Variants in TBC1D19 observed in about 807,000 individuals in gnomAD.
TBC1D19 encodes the protein TBC1 domain family member 19, also known as TBC1 domain family, member 19.
In TBC1D19, 60 loss-of-function variants were observed where a neutral mutation model predicts 89.0. The observed-to-expected ratio is 0.67, with a 90% CI of 0.55 to 0.84. TBC1D19 has a LOEUF of 0.84. Among genes scored for constraint, TBC1D19 ranks in the 40% least tolerant of loss-of-function variants. TBC1D19 has a pLI of 0.00. For missense variants in TBC1D19, 500 were observed against 610.8 expected (o/e 0.82, Z 1.91); for synonymous variants, 189 against 199.7 (o/e 0.95, Z 0.45).
At chr4:26,763,093 GT>G in the TBC1D19 span, among the ~76,000 whole-genome samples, 12 of 152,238 alleles carry the variant, frequency 7.9e-5, no homozygotes, top group South Asian at 2.5e-3. Context: ...AATTCACATT[GT>G]TTTAATAACC....
At chr4:26,823,748 T>G in the TBC1D19 span, among the ~76,000 whole-genome samples, 1,025 of 152,364 alleles carry the variant, frequency 6.7e-3, 8 homozygotes, top group Non-Finnish European at 0.012. Context: ...TTCTGTCACT[T>G]GCAACCACAA....
the TBC1D19 span, among the ~76,000 whole-genome samples, chr4:26,778,290 C>T: frequency 6.6e-6 from 1 of 152,004 alleles, no homozygotes; most frequent in East Asian, 1.9e-4. Flanking sequence ...GTGGCGGGAG[C>T]CTGTAGTCCC....
At chr4:26,768,835 C>CT in the TBC1D19 span, among the ~76,000 whole-genome samples, 1 of 151,732 alleles carries the variant, frequency 6.6e-6, no homozygotes, top group Non-Finnish European at 1.5e-5. Context: ...TGTATGTCAC[C>CT]TTTAAACAAC....
chr4:26,643,906 A>G (rs956094864), intron 7 of TBC1D19, among the ~76,000 whole-genome samples: 1 of 152,194 alleles, frequency 6.6e-6, no homozygotes, highest in South Asian at 2.1e-4. Context: ...GGCCAATAAC[A>G]GGCTCTGAAA....
chr4:26,685,771 AG>A (rs1363952586), intron 12 of TBC1D19, among the ~76,000 whole-genome samples: 1 of 152,202 alleles, frequency 6.6e-6, no homozygotes, highest in Non-Finnish European at 1.5e-5. Context: ...TATTATGCTC[AG>A]TGGATTATTT....
rs185513127 is a variant in TBC1D19, at chr4:26,618,607, A to G, written c.219-2006A>G. On this transcript the variant is annotated intron_variant, in intron 3 of 20. Coordinates refer to ENST00000264866, the MANE Select transcript of TBC1D19 (RefSeq NM_018317.4). ...GTGCCATTTAAAAATTGTAAGTAAA[A>G]TAGTAACATGATCAAATTTGCATTT... 1.2e-3 allele frequency among the ~76,000 whole-genome samples: 176 copies of G among 152,274 alleles called. 2 individuals carry two copies. In the Middle Eastern group the frequency reaches 0.02, roughly 18 times the overall value.
At chr4:26,768,805 TA>T in the TBC1D19 span, among the ~76,000 whole-genome samples, 2 of 151,826 alleles carry the variant, frequency 1.3e-5, no homozygotes, top group Admixed American at 6.6e-5. Flanking sequence ...AATAAAATAA[TA>T]AAAAGATAGT....
At chr4:26,705,747 GTTC>G (rs1453879431) in intron 13 of TBC1D19, among the ~76,000 whole-genome samples, 2 of 152,146 alleles carry the variant, frequency 1.3e-5, no homozygotes, top group Admixed American at 6.6e-5. Context: ...TTCCAGATAT[GTTC>G]TTCTTTTTTC....
chr4:26,794,004 T>C, the TBC1D19 span, among the ~76,000 whole-genome samples: 6 of 152,148 alleles, frequency 3.9e-5, no homozygotes, highest in East Asian at 1.9e-4. Flanking sequence ...TTAGCTAGTC[T>C]TGAGTTACAG....
chr4:26,633,177 A>G lies in TBC1D19; in HGVS notation c.295-4034A>G, dbSNP rs567127024. Among the ~76,000 whole-genome samples the G allele has an allele frequency of 1.8e-4, 27 of 152,262 alleles. No homozygotes were observed. The South Asian group carries it at 4.8e-3, about 27-fold the overall frequency. On this transcript the variant is annotated intron_variant, in intron 4 of 20. Coordinates refer to ENST00000264866, the MANE Select transcript of TBC1D19 (RefSeq NM_018317.4). ...TTCCATAACAACAATGGCGTCTTCA[A>G]TGGTATAAGTCTTCCAGACTTTCAT...
the TBC1D19 span, among the ~76,000 whole-genome samples, chr4:26,841,066 G>C: frequency 6.6e-6 from 1 of 152,134 alleles, no homozygotes; most frequent in Non-Finnish European, 1.5e-5. Context: ...GGCAACAGTG[G>C]CTGTCCTCAC....
the TBC1D19 span, among the ~76,000 whole-genome samples, chr4:26,850,564 A>G: frequency 6.8e-6 from 1 of 146,662 alleles, no homozygotes; most frequent in African/African-American, 2.6e-5. Flanking sequence ...AAAAAAAAAG[A>G]AGAAGAAGAA....
the TBC1D19 span, among the ~76,000 whole-genome samples, chr4:26,836,661 G>A: frequency 6.6e-6 from 1 of 152,196 alleles, no homozygotes; most frequent in Non-Finnish European, 1.5e-5. Context: ...TGAGAGTGAA[G>A]ACTGCTGGAA....
chr4:26,606,897 G>A (rs762464328), intron 1 of TBC1D19, among the ~76,000 whole-genome samples: 9 of 152,084 alleles, frequency 5.9e-5, no homozygotes, highest in Non-Finnish European at 7.4e-5. Flanking sequence ...AGCTTACTTC[G>A]CAGCTTCTTT....
At chr4:26,754,423 ATT>A (rs1427618401) in intron 20 of TBC1D19, among the ~76,000 whole-genome samples, 2 of 152,158 alleles carry the variant, frequency 1.3e-5, no homozygotes, top group Non-Finnish European at 2.9e-5. Context: ...AGAAATATAA[ATT>A]TTTCCTTAAA....
At chr4:26,802,150 T>G in the TBC1D19 span, among the ~76,000 whole-genome samples, 2 of 152,084 alleles carry the variant, frequency 1.3e-5, no homozygotes, top group Non-Finnish European at 1.5e-5. Context: ...GTATACTACC[T>G]TGTAAACAGG....
chr4:26,577,042 G>A (rs1560390735), intron 1 of TBC1D19, among the ~76,000 whole-genome samples: 1 of 152,126 alleles, frequency 6.6e-6, no homozygotes, highest in Non-Finnish European at 1.5e-5. Flanking sequence ...AATCAGTTGA[G>A]GGCCTTAACA....
intron 19 of TBC1D19, among the ~76,000 whole-genome samples, chr4:26,751,221 A>G (rs1718936723): frequency 1.3e-5 from 2 of 152,196 alleles, no homozygotes; most frequent in South Asian, 4.1e-4. Context: ...ATGAGCACAT[A>G]AGCATTTTGG....
intron 12 of TBC1D19, among the ~76,000 whole-genome samples, chr4:26,684,496 C>T (rs768334674): frequency 3.3e-5 from 5 of 152,298 alleles, no homozygotes; most frequent in Admixed American, 6.5e-5. Flanking sequence ...GTGCTTGGTT[C>T]ATCTGGCCAT....
Sources: gnomAD v4.1 joint callset for allele counts (sites outside exome capture counted in the v4.1 genomes callset) on GRCh38, gnomAD v4.1.1 for gene constraint, MANE v1.5 for transcripts, NCBI Gene and HGNC (gene_info 2026-07-23, HGNC 2026-07-21) for gene names.